Variants in RBFOX1 observed in about 807,000 individuals in gnomAD.
RBFOX1 encodes RNA binding protein fox-1 homolog 1.
A neutral mutation model predicts 57.7 loss-of-function variants in RBFOX1; 8 were observed. The ratio of observed to expected loss-of-function variants is 0.14; its 90% CI spans 0.08 to 0.25. The LOEUF (loss-of-function observed/expected upper bound fraction) is 0.25, where lower values mean the gene tolerates loss of function less well. Ranked by LOEUF, RBFOX1 falls within the 10% of genes least tolerant of loss-of-function variation. The pLI is 1.00. For missense variants in RBFOX1, 611 were observed against 548.5 expected (o/e 1.11, Z -1.14); for synonymous variants, 326 against 222.4 (o/e 1.47, Z -4.15).
intron 1 of RBFOX1, among the ~76,000 whole-genome samples, chr16:5,256,211 G>C (rs527295829): frequency 6.6e-6 from 1 of 152,290 alleles, no homozygotes; most frequent in Admixed American, 6.5e-5. Flanking sequence ...TTTTAGCTGA[G>C]ACTTGTGGGA....
rs189837055 is a variant in RBFOX1, at chr16:7,687,728, A to C, written c.995+10890A>C. On this transcript the variant is annotated intron_variant, in intron 14 of 15. Transcript: ENST00000550418. ...GACAATTACTAATTATAACTACTGT[A>C]ATTAGTATAATTAGCAATTAAAATA... Among the ~76,000 whole-genome samples the C allele has an allele frequency of 5.3e-3, 801 of 152,204 alleles. 3 individuals are homozygous for C. Among genetic ancestry groups the C allele is most frequent in the Non-Finnish European group, 8.2e-3 (556 of 67,980 alleles).
chr16:7,636,511 G>A (rs1203596708), intron 11 of RBFOX1, among the ~76,000 whole-genome samples: 9 of 152,140 alleles, frequency 5.9e-5, no homozygotes, highest in South Asian at 4.1e-4. Flanking sequence ...CTGTTTTGAC[G>A]ATTGATGTTG....
At chr16:7,038,324 T>C (rs191546955) in intron 3 of RBFOX1, among the ~76,000 whole-genome samples, 187 of 152,292 alleles carry the variant, frequency 1.2e-3, no homozygotes, top group African/African-American at 4.4e-3. Flanking sequence ...AGGGCAATTA[T>C]AACCCTTGAT....
intron 4 of RBFOX1, among the ~76,000 whole-genome samples, chr16:7,364,703 C>G (rs1306703247): frequency 6.6e-6 from 1 of 151,894 alleles, no homozygotes; most frequent in Non-Finnish European, 1.5e-5. Context: ...TTTCTATCAT[C>G]AGATCTCTCT....
chr16:6,904,420 G>A (rs2069248250), intron 3 of RBFOX1, among the ~76,000 whole-genome samples: 3 of 151,742 alleles, frequency 2.0e-5, no homozygotes, highest in Non-Finnish European at 4.4e-5. Context: ...GGCCAACATG[G>A]TGAATCCTCC....
At chr16:6,859,187 A>ATATATG (rs1466625512) in intron 3 of RBFOX1, among the ~76,000 whole-genome samples, 16 of 64,014 alleles carry the variant, frequency 2.5e-4, no homozygotes, top group East Asian at 6.4e-4. Context: ...ATATATATGT[A>ATATATG]TATATATATG....
intron 4 of RBFOX1, among the ~76,000 whole-genome samples, chr16:7,441,606 T>C (rs960652766): frequency 4.6e-5 from 7 of 152,298 alleles, no homozygotes; most frequent in South Asian, 2.1e-4. Context: ...TTTGCTTTTT[T>C]CCCCCCTGTT....
At chr16:7,622,180 T>C (rs531980437) in intron 10 of RBFOX1, among the ~76,000 whole-genome samples, 7 of 152,296 alleles carry the variant, frequency 4.6e-5, no homozygotes, top group African/African-American at 1.4e-4. Context: ...TCCAGGAATC[T>C]GGTTGGTATG....
At chr16:6,654,290 T>C (rs1374898324) in intron 2 of RBFOX1, among the ~76,000 whole-genome samples, 1 of 152,180 alleles carries the variant, frequency 6.6e-6, no homozygotes, top group Admixed American at 6.5e-5. Context: ...ATGTGAACAA[T>C]TGTATGGAGG....
chr16:5,812,155 A>G (rs1831416892), intron 3 of RBFOX1, among the ~76,000 whole-genome samples: 1 of 152,188 alleles, frequency 6.6e-6, no homozygotes. Flanking sequence ...GTTCCACTGT[A>G]TGGATAGTGA....
chr16:5,881,758 A>G (rs1457386938), intron 4 of RBFOX1, among the ~76,000 whole-genome samples: 3 of 152,192 alleles, frequency 2.0e-5, no homozygotes, highest in Admixed American at 2.0e-4. Context: ...TGGTATAGTA[A>G]GACTTCATAC....
intron 2 of RBFOX1, among the ~76,000 whole-genome samples, chr16:6,556,496 A>C (rs1204406434): frequency 6.6e-6 from 1 of 152,208 alleles, no homozygotes; most frequent in African/African-American, 2.4e-5. Context: ...ATTTGTTCCC[A>C]GGAAGTCCAC....
At chr16:6,998,437 G>C (rs1459420981) in intron 3 of RBFOX1, among the ~76,000 whole-genome samples, 1 of 152,160 alleles carries the variant, frequency 6.6e-6, no homozygotes, top group Non-Finnish European at 1.5e-5. Flanking sequence ...GAATGGTTTG[G>C]GGATGGGGGC....
chr16:5,702,970 A>G (rs144780798), intron 3 of RBFOX1, among the ~76,000 whole-genome samples: 2 of 152,186 alleles, frequency 1.3e-5, no homozygotes, highest in Non-Finnish European at 2.9e-5. Flanking sequence ...TATGTGACAA[A>G]CATCATGTAC....
chr16:5,308,183 T>A (rs2063987391), intron 1 of RBFOX1, among the ~76,000 whole-genome samples: 1 of 151,766 alleles, frequency 6.6e-6, no homozygotes, highest in African/African-American at 2.4e-5. Context: ...TTACTAAAAA[T>A]ACAAAAAATT....
intron 2 of RBFOX1, among the ~76,000 whole-genome samples, chr16:5,554,843 G>A (rs76787849): frequency 0.049 from 7,438 of 152,202 alleles, 200 homozygotes; most frequent in East Asian, 0.1. Flanking sequence ...CATTCTTCCT[G>A]CCTTCTGAGC....
chr16:5,716,733 T>C (rs2051714985), intron 3 of RBFOX1, among the ~76,000 whole-genome samples: 1 of 152,242 alleles, frequency 6.6e-6, no homozygotes, highest in African/African-American at 2.4e-5. Flanking sequence ...CATGTGTCTT[T>C]ATAGTAAAAT....
At chr16:6,854,612 T>TTTTTTTTTTTA (rs2057462241) in intron 3 of RBFOX1, among the ~76,000 whole-genome samples, 2 of 129,314 alleles carry the variant, frequency 1.5e-5, no homozygotes, top group Admixed American at 1.7e-4. Flanking sequence ...TTTTTTTTTT[T>TTTTTTTTTTTA]GAGACTGAGT....
At chr16:7,384,675 C>A (rs1232851339) in intron 4 of RBFOX1, among the ~76,000 whole-genome samples, 1 of 152,134 alleles carries the variant, frequency 6.6e-6, no homozygotes, top group Non-Finnish European at 1.5e-5. Flanking sequence ...TAAATAAGAC[C>A]ATCCTGTAAT....
Sources: gnomAD v4.1 joint callset for allele counts (sites outside exome capture counted in the v4.1 genomes callset) on GRCh38, gnomAD v4.1.1 for gene constraint, MANE v1.5 for transcripts, NCBI Gene and HGNC (gene_info 2026-07-23, HGNC 2026-07-21) for gene names.